VWA2: variants seen among roughly 807,000 people sequenced by gnomAD.
VWA2 encodes the protein von Willebrand factor A domain containing 2, also known as von Willebrand factor A domain-containing protein 2.
In VWA2, 73 loss-of-function variants were observed where a neutral mutation model predicts 70.4. That is an observed-to-expected ratio of 1.04 (90% CI 0.86 to 1.26). The LOEUF is 1.26. VWA2 is among the 50% of genes most tolerant of loss of function. The probability of loss-of-function intolerance (pLI) is 0.00; values close to 1 mark genes in which losing one functional copy is unlikely to be tolerated. For synonymous variants in VWA2, 407 were observed against 423.3 expected (o/e 0.96, Z 0.47); for missense variants, 1,011 against 998.5 (o/e 1.01, Z -0.17).
In VWA2 at chr10:114,292,402, A is replaced by T. The variant is rs1008225255; in HGVS notation, c.*1165A>T. 2.0e-5 allele frequency among the ~76,000 whole-genome samples: 3 copies of T among 152,000 alleles called. No individual in the cohort carries two copies. Among genetic ancestry groups the T allele is most frequent in the Non-Finnish European group, 4.4e-5 (3 of 68,018 alleles). ...AAACTCAAAAATATAGGATAAAGAA[A>T]CTTACAGAGATTTTGCTTTTTAAAG... On this transcript the variant is annotated 3_prime_UTR_variant, in exon 14 of 14. Coordinates refer to ENST00000392982, the MANE Select transcript of VWA2 (RefSeq NM_001272046.2).
At chr10:114,251,079 TTCTC>T (rs1055435381) in intron 2 of VWA2, among the ~76,000 whole-genome samples, 3 of 152,222 alleles carry the variant, frequency 2.0e-5, no homozygotes, top group Non-Finnish European at 4.4e-5. Flanking sequence ...TGTACAAAAG[TTCTC>T]TCTAAGACTT....
chr10:114,265,549 A>G (rs929300633), intron 5 of VWA2, among the ~76,000 whole-genome samples: 3 of 152,206 alleles, frequency 2.0e-5, no homozygotes, highest in African/African-American at 7.2e-5. Context: ...TCAGTGGGTT[A>G]CACTGCCAAT....
intron 2 of VWA2, among the ~76,000 whole-genome samples, chr10:114,252,799 A>T (rs920800720): frequency 6.6e-6 from 1 of 151,844 alleles, no homozygotes; most frequent in African/African-American, 2.4e-5. Context: ...GGGTTTCACC[A>T]TGTTGGCCAG....
At chr10:114,275,186 T>C (rs964212137) in intron 6 of VWA2, among the ~76,000 whole-genome samples, 1 of 151,886 alleles carries the variant, frequency 6.6e-6, no homozygotes, top group African/African-American at 2.4e-5. Context: ...AGGAAGAAGA[T>C]AGAGTGATGG....
intron 11 of VWA2, 112 bp downstream of exon 11, chr10:114,286,623 C>A (rs2133594088): frequency 2.3e-6 from 2 of 869,706 alleles, no homozygotes; most frequent in African/African-American, 1.7e-5. Flanking sequence ...GGGCTGAAAC[C>A]ACAGCCCCAC....
At position 114,286,007 on chromosome 10, in the gene VWA2, C is replaced by T. The variant is rs933118888; in HGVS notation, c.1066C>T (p.Leu356=). 6.2e-7 allele frequency: 1 copy of T among 1,614,102 alleles called. No individual in the cohort carries two copies. Among genetic ancestry groups the T allele is most frequent in the Admixed American group, 1.7e-5 (1 of 60,028 alleles). ...FLLDSSAGTT[L]DGFLRAKVFV... ...GCTGGACAGCTCTGCGGGCACCACTCTGGACGGCTTCCTGCGGGCCAAAGT... is the reference window on the plus strand; with the variant it reads ...GCTGGACAGCTCTGCGGGCACCACTTTGGACGGCTTCCTGCGGGCCAAAGT... The change falls in exon 11 of 14, where the codon CTG becomes TTG. Residue 356 remains leucine (L), a synonymous_variant. Coordinates refer to ENST00000392982, the MANE Select transcript of VWA2 (RefSeq NM_001272046.2).
intron 5 of VWA2, among the ~76,000 whole-genome samples, chr10:114,268,701 T>TTTC (rs1554856686): frequency 7.0e-6 from 1 of 143,826 alleles, no homozygotes; most frequent in Non-Finnish European, 1.5e-5. Context: ...CTTTTTTCTT[T>TTTC]TTTTTTTTTT....
chr10:114,270,768 G>A (rs1225715794), intron 5 of VWA2, among the ~76,000 whole-genome samples: 1 of 152,284 alleles, frequency 6.6e-6, no homozygotes, highest in Non-Finnish European at 1.5e-5. Flanking sequence ...AGTTGGGGGC[G>A]CTTGGGAGTC....
chr10:114,282,381 A>C, intron 8 of VWA2, 135 bp from the exon 9 acceptor site: 2 of 713,788 alleles, frequency 2.8e-6, no homozygotes, highest in Non-Finnish European at 5.0e-6. Context: ...TAGAATCAAG[A>C]AACAAAACCA....
intron 4 of VWA2, among the ~76,000 whole-genome samples, chr10:114,255,355 A>G (rs555418372): frequency 1.3e-5 from 2 of 152,116 alleles, no homozygotes; most frequent in South Asian, 4.2e-4. Flanking sequence ...TTAGAAATTA[A>G]GGGGACTTCT....
intron 6 of VWA2, among the ~76,000 whole-genome samples, chr10:114,277,487 CTG>C (rs908761997): frequency 2.0e-5 from 3 of 152,108 alleles, no homozygotes; most frequent in African/African-American, 4.8e-5. Flanking sequence ...CCCCCTCCGA[CTG>C]TGTGTCTTCT....
At chr10:114,290,736 G>A (rs1236152344) in intron 13 of VWA2, among the ~76,000 whole-genome samples, 2 of 152,210 alleles carry the variant, frequency 1.3e-5, no homozygotes, top group Non-Finnish European at 2.9e-5. Flanking sequence ...GTACAGGGAT[G>A]TAGACGGAGG....
chr10:114,289,259 G>T lies in VWA2; in HGVS notation c.1892G>T (p.Gly631Val). 1.2e-6 allele frequency: 2 copies of T among 1,614,168 alleles called. No homozygotes were observed. The highest frequency in any genetic ancestry group is 1.7e-6 in the Non-Finnish European group (2 of 1,180,022). Reference sequence around the variant, plus strand: ...ACCGTCCAGAGGGGTGCCCGGCCTGGTGTCCCCAAAGCTGTGGTGGTGCTC... The same window carrying T: ...ACCGTCCAGAGGGGTGCCCGGCCTGTTGTCCCCAAAGCTGTGGTGGTGCTC... ...VMTVQRGARP[G>V]VPKAVVVLTG... The change falls in exon 12 of 14, where the codon GGT becomes GTT. Residue 631 changes from glycine to valine, a missense_variant. Coordinates refer to ENST00000392982, the MANE Select transcript of VWA2 (RefSeq NM_001272046.2).
Position 114,243,921 on chromosome 10 carries a change from T to A in VWA2, c.-11+4352T>A, listed in dbSNP as rs370187894. Among the ~76,000 whole-genome samples the A allele has an allele frequency of 1.6e-4, 25 of 152,272 alleles. 1 individual carries two copies. The East Asian group carries it at 2.9e-3, about 18-fold the overall frequency. ...CGAAGGCCACACTCTGTTGAGGAGA[T>A]CAGGGGCGTGGAGAGCATCTACATC... is the stretch of plus-strand genomic sequence containing the variant. On this transcript the variant is annotated intron_variant, in intron 1 of 13. Transcript: ENST00000392982.
At chr10:114,256,531 G>C (rs1017103397) in intron 4 of VWA2, among the ~76,000 whole-genome samples, 1 of 152,148 alleles carries the variant, frequency 6.6e-6, no homozygotes, top group Non-Finnish European at 1.5e-5. Flanking sequence ...AGTTGACAGG[G>C]CACAAGGCCA....
intron 9 of VWA2, 120 bp from the exon 10 acceptor site, chr10:114,284,743 G>T: frequency 1.1e-6 from 1 of 879,780 alleles, no homozygotes; most frequent in South Asian, 1.7e-5. Flanking sequence ...TGGACTGTGG[G>T]GGAAGGGAGG....
chr10:114,267,263 C>T (rs867610403), intron 5 of VWA2, among the ~76,000 whole-genome samples: 1 of 151,588 alleles, frequency 6.6e-6, no homozygotes, highest in Admixed American at 6.6e-5. Flanking sequence ...ATTACAGGCA[C>T]CCGCCACCAT....
At chr10:114,244,024 G>A (rs1360217758) in intron 1 of VWA2, among the ~76,000 whole-genome samples, 1 of 152,230 alleles carries the variant, frequency 6.6e-6, no homozygotes, top group Non-Finnish European at 1.5e-5. Context: ...ACAAGGTGAT[G>A]AGCGAGGTGT....
At chr10:114,261,090 G>A (rs1447024121) in intron 4 of VWA2, 96 bp from the exon 5 acceptor site, 2 of 819,822 alleles carry the variant, frequency 2.4e-6, no homozygotes, top group African/African-American at 1.7e-5. Flanking sequence ...GAGTGGATGG[G>A]AGGCAGGGTT....
Sources: gnomAD v4.1 joint callset for allele counts (sites outside exome capture counted in the v4.1 genomes callset) on GRCh38, gnomAD v4.1.1 for gene constraint, MANE v1.5 for transcripts, NCBI Gene and HGNC (gene_info 2026-07-23, HGNC 2026-07-21) for gene names.